Variants in PTTG1IP2 observed in about 807,000 individuals in gnomAD.
PTTG1IP2 encodes PTTG1IP family member 2.
chr7:90,510,166 G>T lies in PTTG1IP2; in HGVS notation c.*51-3112G>T, dbSNP rs141148093. ...TAGCAATATCTGCCCTGTGTGGAAG[G>T]GCGGGGACCACTGTGCCTAAATTGG... is the stretch of plus-strand genomic sequence containing the variant. On this transcript the variant is annotated intron_variant, in intron 6 of 6. Transcript: ENST00000509356. Among the ~76,000 whole-genome samples the T allele has an allele frequency of 7.6e-4, 116 of 152,290 alleles. 1 individual carries two copies. The highest frequency in any genetic ancestry group is 2.7e-3 in the African/African-American group (112 of 41,546).
intron 3 of PTTG1IP2, among the ~76,000 whole-genome samples, chr7:90,488,523 T>A (rs748090986): frequency 6.6e-6 from 1 of 152,018 alleles, no homozygotes; most frequent in Non-Finnish European, 1.5e-5. Context: ...AGATGTATCT[T>A]TAGAGATACA....
At chr7:90,497,666 G>T (rs1047876136) in intron 6 of PTTG1IP2, among the ~76,000 whole-genome samples, 14 of 130,060 alleles carry the variant, frequency 1.1e-4, no homozygotes, top group Non-Finnish European at 2.0e-4. Context: ...GCAGTGAGCC[G>T]TGATCATACC....
chr7:90,490,792 G>A (rs1015352501), intron 4 of PTTG1IP2, among the ~76,000 whole-genome samples: 5 of 152,122 alleles, frequency 3.3e-5, no homozygotes, highest in African/African-American at 1.2e-4. Flanking sequence ...GCCCATAAGA[G>A]TAGGGGCCTG....
At chr7:90,497,744 A>AAAAAAAAAAAAAAAAAAAAAAG (rs1562988278) in intron 6 of PTTG1IP2, among the ~76,000 whole-genome samples, 2 of 132,450 alleles carry the variant, frequency 1.5e-5, no homozygotes, top group African/African-American at 6.5e-5. Flanking sequence ...AAAAAAAAAA[A>AAAAAAAAAAAAAAAAAAAAAAG]GAAGAAGAAG....
chr7:90,487,924 T>A (rs1260200159), intron 3 of PTTG1IP2, among the ~76,000 whole-genome samples: 1 of 152,204 alleles, frequency 6.6e-6, no homozygotes, highest in East Asian at 1.9e-4. Context: ...TTGCTATAAC[T>A]TATATTTTTT....
Position 90,491,852 on chromosome 7 carries a change from C to T in PTTG1IP2, c.381-387C>T, listed in dbSNP as rs10228484. On this transcript the variant is annotated intron_variant, in intron 4 of 6. Coordinates refer to ENST00000509356, the MANE Select transcript of PTTG1IP2 (RefSeq NM_001365443.2). ...GCAATGATAAAATATTGCATAAGAC[C>T]AGGTGCAGTGGTTCACGCCTATAAT... Among the ~76,000 whole-genome samples the T allele has an allele frequency of 5.5e-4, 84 of 151,980 alleles. 1 individual carries two copies. Among genetic ancestry groups the T allele is most frequent in the African/African-American group, 2.0e-3 (83 of 41,458 alleles).
intron 6 of PTTG1IP2, among the ~76,000 whole-genome samples, chr7:90,496,393 T>C (rs2116098852): frequency 6.6e-6 from 1 of 152,346 alleles, no homozygotes; most frequent in South Asian, 2.1e-4. Context: ...TGTCTAGGAA[T>C]GTATTCATTT....
At chr7:90,472,299 CA>C (rs1452099987) in intron 1 of PTTG1IP2, among the ~76,000 whole-genome samples, 1 of 146,074 alleles carries the variant, frequency 6.8e-6, no homozygotes, top group African/African-American at 2.8e-5. Context: ...CACACACACA[CA>C]CACACACACA....
rs551949328 is a variant in PTTG1IP2 at position 90,507,409 on chromosome 7, A to G, written c.*51-5869A>G. Among the ~76,000 whole-genome samples the G allele has an allele frequency of 8.5e-5, 13 of 152,264 alleles. No individual in the cohort carries two copies. The South Asian group carries it at 1.9e-3, about 22-fold the overall frequency. ...GCATCTGGAGTTTACTAGCTGTGAA[A>G]CCTAAGGTAAATTGTTTAACATCTC... On this transcript the variant is annotated intron_variant, in intron 6 of 6. Transcript: ENST00000509356.
chr7:90,512,025 A>G (rs1798196446), intron 6 of PTTG1IP2, among the ~76,000 whole-genome samples: 1 of 152,240 alleles, frequency 6.6e-6, no homozygotes, highest in Non-Finnish European at 1.5e-5. Context: ...TTCTTGACAT[A>G]GAGTCGTTAT....
At chr7:90,512,688 A>G (rs1039541856) in intron 6 of PTTG1IP2, among the ~76,000 whole-genome samples, 11 of 152,250 alleles carry the variant, frequency 7.2e-5, no homozygotes, top group African/African-American at 2.7e-4. Flanking sequence ...AAGAGCAAAG[A>G]CATGGGGTTG....
chr7:90,478,149 G>A (rs1365755453), intron 1 of PTTG1IP2, among the ~76,000 whole-genome samples: 1 of 151,180 alleles, frequency 6.6e-6, no homozygotes, highest in Non-Finnish European at 1.5e-5. Flanking sequence ...TGGGTGAGGG[G>A]GTATACAGGA....
intron 1 of PTTG1IP2, among the ~76,000 whole-genome samples, chr7:90,472,016 G>A (rs1185702032): frequency 6.6e-6 from 1 of 152,066 alleles, no homozygotes; most frequent in East Asian, 1.9e-4. Flanking sequence ...ACAAAGCCTG[G>A]CACAGCCTCA....
intron 1 of PTTG1IP2, among the ~76,000 whole-genome samples, chr7:90,475,556 A>G (rs1223917017): frequency 1.3e-5 from 2 of 152,236 alleles, no homozygotes; most frequent in African/African-American, 2.4e-5. Flanking sequence ...CAAAAGAACA[A>G]GAGATAGCCT....
At chr7:90,498,075 G>C (rs1038688047) in intron 6 of PTTG1IP2, among the ~76,000 whole-genome samples, 6 of 151,338 alleles carry the variant, frequency 4.0e-5, no homozygotes, top group African/African-American at 1.5e-4. Context: ...GCCCAGACTA[G>C]AGTGCAGTGG....
intron 6 of PTTG1IP2, among the ~76,000 whole-genome samples, chr7:90,501,385 A>G (rs1237813594): frequency 6.6e-6 from 1 of 152,238 alleles, no homozygotes. Context: ...ATTAAAATAC[A>G]TGGCCAGACA....
At chr7:90,498,168 G>A (rs1798019035) in intron 6 of PTTG1IP2, among the ~76,000 whole-genome samples, 1 of 152,212 alleles carries the variant, frequency 6.6e-6, no homozygotes, top group African/African-American at 2.4e-5. Context: ...TGGGACTACA[G>A]GCGCCCGCCA....
rs182295179 is a variant in PTTG1IP2, at chr7:90,490,227, A to T, written c.380+1263A>T. On this transcript the variant is annotated intron_variant, in intron 4 of 6. Transcript: ENST00000509356. ...CACAGAAGGTTTGGAGAGTATTTGC[A>T]TAGTCCATTACATATCAACAAATTA... 6.3e-4 allele frequency among the ~76,000 whole-genome samples: 96 copies of T among 152,144 alleles called. 1 individual carries two copies. The highest frequency in any genetic ancestry group is 2.3e-3 in the African/African-American group (94 of 41,562).
At chr7:90,497,518 C>T (rs1250729000) in intron 6 of PTTG1IP2, among the ~76,000 whole-genome samples, 7 of 144,388 alleles carry the variant, frequency 4.8e-5, no homozygotes, top group South Asian at 2.2e-4. Flanking sequence ...GAACCGAGAT[C>T]GCGCCACTGC....
Sources: allele counts gnomAD v4.1 joint callset (sites outside exome capture counted in the v4.1 genomes callset), GRCh38; gene constraint gnomAD v4.1.1; transcripts MANE v1.5; gene names NCBI Gene and HGNC (gene_info 2026-07-23, HGNC 2026-07-21).